Variants in RARB observed in about 807,000 individuals in gnomAD.
The protein encoded by RARB is HBV-activated protein.
In RARB, 17 loss-of-function variants were observed where a neutral mutation model predicts 51.9. That is an observed-to-expected ratio of 0.33 (90% CI 0.22 to 0.49). RARB has a LOEUF of 0.49. Ranked by LOEUF, RARB falls within the 20% of genes least tolerant of loss-of-function variation. The probability of loss-of-function intolerance (pLI) is 0.99; values close to 1 mark genes in which losing one functional copy is unlikely to be tolerated. For synonymous variants in RARB, 215 were observed against 195.4 expected, an observed-to-expected ratio of 1.10 and a Z score of -0.84; for missense variants, 369 against 550.8, an observed-to-expected ratio of 0.67 and a Z score of 3.30.
In RARB at chr3:25,349,840, G is replaced by A. The variant is rs184365585; in HGVS notation, c.179-111353G>A. On this transcript the variant is annotated intron_variant, in intron 5 of 11. Coordinates refer to the RARB transcript ENST00000383772. ...TTCTTTGCTCATGAGTCTACAATTT[G>A]CACCATTCTTGGTAGGACTCTGCTC... Among the ~76,000 whole-genome samples, 43 of 152,228 alleles carry A rather than the reference G, an allele frequency of 2.8e-4. No individual in the cohort carries two copies. In the East Asian group the frequency reaches 7.7e-3, roughly 27 times the overall value.
At chr3:25,501,586 G>C (rs1169375016) in intron 3 of RARB, among the ~76,000 whole-genome samples, 2 of 152,154 alleles carry the variant, frequency 1.3e-5, no homozygotes, top group African/African-American at 4.8e-5. Flanking sequence ...GGATCCCAGA[G>C]CCATTAGCAG....
chr3:24,880,876 C>A (rs1703145615), intron 2 of RARB, among the ~76,000 whole-genome samples: 1 of 152,148 alleles, frequency 6.6e-6, no homozygotes, highest in Non-Finnish European at 1.5e-5. Context: ...ATTCTTTTTC[C>A]ACATTAATGT....
chr3:25,388,590 T>A (rs191313771), intron 5 of RARB, among the ~76,000 whole-genome samples: 9 of 152,334 alleles, frequency 5.9e-5, no homozygotes, highest in African/African-American at 2.2e-4. Flanking sequence ...CCTGGCAAAA[T>A]GAAATTTGTG....
intron 2 of RARB, among the ~76,000 whole-genome samples, chr3:25,472,759 A>G (rs1695760153): frequency 6.6e-6 from 1 of 152,200 alleles, no homozygotes; most frequent in Admixed American, 6.5e-5. Context: ...TTCCTAGTTC[A>G]TTCAGCTTTG....
At chr3:25,063,732 A>T (rs1199595842) in intron 3 of RARB, among the ~76,000 whole-genome samples, 1 of 149,802 alleles carries the variant, frequency 6.7e-6, no homozygotes, top group African/African-American at 2.5e-5. Context: ...TTTTAAAAAG[A>T]TGAGGAAACA....
intron 5 of RARB, among the ~76,000 whole-genome samples, chr3:25,179,961 G>A (rs1483014775): frequency 6.6e-6 from 1 of 152,184 alleles, no homozygotes; most frequent in African/African-American, 2.4e-5. Context: ...CTAATGAGGA[G>A]CTGAGCTCAT....
At chr3:25,558,218 T>G (rs893943496) in intron 3 of RARB, among the ~76,000 whole-genome samples, 1 of 152,204 alleles carries the variant, frequency 6.6e-6, no homozygotes, top group Non-Finnish European at 1.5e-5. Flanking sequence ...TTTGAAGGAC[T>G]TTATCTGGCC....
At chr3:25,053,671 T>C (rs924599892) in intron 2 of RARB, among the ~76,000 whole-genome samples, 1 of 152,192 alleles carries the variant, frequency 6.6e-6, no homozygotes, top group African/African-American at 2.4e-5. Context: ...AGCCCATGTG[T>C]TCCATAAATG....
chr3:25,215,993 T>A (rs1701825044), intron 5 of RARB, among the ~76,000 whole-genome samples: 1 of 152,220 alleles, frequency 6.6e-6, no homozygotes, highest in African/African-American at 2.4e-5. Context: ...AGAAGTGCCT[T>A]TCATACTCAA....
intron 5 of RARB, among the ~76,000 whole-genome samples, chr3:25,390,642 A>G (rs570424263): frequency 8.5e-5 from 13 of 152,328 alleles, no homozygotes; most frequent in Admixed American, 7.8e-4. Context: ...TTCAAATAGA[A>G]TAACCAAATG....
chr3:25,404,209 C>G (rs938012969), intron 5 of RARB, among the ~76,000 whole-genome samples: 1 of 152,128 alleles, frequency 6.6e-6, no homozygotes, highest in African/African-American at 2.4e-5. Context: ...TTCATTCTTT[C>G]CAGGGGACCT....
intron 2 of RARB, among the ~76,000 whole-genome samples, chr3:25,494,881 A>G (rs1696946120): frequency 1.3e-5 from 2 of 152,238 alleles, no homozygotes; most frequent in Non-Finnish European, 2.9e-5. Flanking sequence ...TGTCAATAAC[A>G]GTAGCTGCTA....
chr3:25,257,861 T>C (rs148786274), intron 5 of RARB, among the ~76,000 whole-genome samples: 2 of 152,102 alleles, frequency 1.3e-5, no homozygotes, highest in African/African-American at 4.8e-5. Flanking sequence ...TCCGACATTC[T>C]CAGCCTGAAA....
chr3:25,539,797 C>T (rs6809044), intron 3 of RARB, among the ~76,000 whole-genome samples: 2,058 of 151,290 alleles, frequency 0.014, 50 homozygotes, highest in African/African-American at 0.046. Flanking sequence ...ATTTTGTATC[C>T]CCATCACATT....
chr3:25,273,022 T>C (rs539364933), intron 5 of RARB, among the ~76,000 whole-genome samples: 1 of 152,308 alleles, frequency 6.6e-6, no homozygotes, highest in African/African-American at 2.4e-5. Context: ...CCTAACTCAT[T>C]CATTTGCATT....
At chr3:25,214,191 C>A (rs1309045776) in intron 5 of RARB, among the ~76,000 whole-genome samples, 2 of 152,092 alleles carry the variant, frequency 1.3e-5, no homozygotes, top group African/African-American at 4.8e-5. Flanking sequence ...CTAGTGGGGC[C>A]CTATCCTTGG....
intron 3 of RARB, among the ~76,000 whole-genome samples, chr3:25,524,731 T>C (rs1347915382): frequency 6.6e-6 from 1 of 151,698 alleles, no homozygotes; most frequent in Non-Finnish European, 1.5e-5. Flanking sequence ...TTCTTTTTTA[T>C]CATTATTTTT....
intron 5 of RARB, among the ~76,000 whole-genome samples, chr3:25,305,684 G>C (rs891369216): frequency 1.3e-5 from 2 of 152,152 alleles, no homozygotes; most frequent in African/African-American, 4.8e-5. Context: ...TGGTGTCCAC[G>C]ACACTCCTAC....
intron 5 of RARB, among the ~76,000 whole-genome samples, chr3:25,203,784 T>C (rs989926784): frequency 2.6e-5 from 4 of 152,126 alleles, no homozygotes; most frequent in Non-Finnish European, 5.9e-5. Flanking sequence ...GCTTGTAGAG[T>C]TTCTGTCAAG....
Sources: allele counts gnomAD v4.1 joint callset (sites outside exome capture counted in the v4.1 genomes callset), GRCh38; gene constraint gnomAD v4.1.1; transcripts MANE v1.5; gene names NCBI Gene and HGNC (gene_info 2026-07-23, HGNC 2026-07-21).